PREP: variants seen among roughly 807,000 people sequenced by gnomAD.
PREP encodes the protein prolyl endopeptidase, also known as dJ355L5.1 (prolyl endopeptidase).
In PREP, 29 loss-of-function variants were observed where a neutral mutation model predicts 87.6. The ratio of observed to expected loss-of-function variants is 0.33; its 90% CI spans 0.25 to 0.45. The LOEUF (loss-of-function observed/expected upper bound fraction) is 0.45. Among genes scored for constraint, PREP ranks in the 20% least tolerant of loss-of-function variants. PREP has a pLI of 1.00. For missense variants in PREP, 695 were observed against 886.5 expected, an observed-to-expected ratio of 0.78 and a Z score of 2.74; for synonymous variants, 337 against 328.6, an observed-to-expected ratio of 1.03 and a Z score of -0.28.
At chr6:105,328,551 A>G (rs1188540044) in intron 9 of PREP, among the ~76,000 whole-genome samples, 1 of 152,110 alleles carries the variant, frequency 6.6e-6, no homozygotes, top group Non-Finnish European at 1.5e-5. Context: ...TGCCTGGCCC[A>G]TTGGTACTAA....
chr6:105,286,586 T>A (rs1770192269), intron 11 of PREP, among the ~76,000 whole-genome samples: 1 of 152,158 alleles, frequency 6.6e-6, no homozygotes, highest in African/African-American at 2.4e-5. Context: ...TGAGAACTAT[T>A]TCTGAGAACT....
At position 105,338,786 on chromosome 6, in the gene PREP, G is replaced by A. The variant is rs1401580118; in HGVS notation, c.824-5281C>T. ...GTCCCACGCCCACGGAGCCTTGCTC[G>A]CTGCTAGCACAGTAGTCTGAGATCG... On this transcript the variant is annotated intron_variant, in intron 7 of 14. Transcript: ENST00000652536. Among the ~76,000 whole-genome samples, 12 of 152,336 alleles carry A rather than the reference G, an allele frequency of 7.9e-5. No individual in the cohort carries two copies. In the East Asian group the frequency reaches 9.6e-4, roughly 12 times the overall value.
chr6:105,322,175 C>A (rs181029997), intron 10 of PREP: 1 of 490,906 alleles, frequency 2.0e-6, no homozygotes, highest in East Asian at 1.5e-4. Flanking sequence ...CATGAAAATA[C>A]CAGACAGGGG....
At chr6:105,331,362 G>C (rs977281065) in intron 8 of PREP, among the ~76,000 whole-genome samples, 1 of 152,178 alleles carries the variant, frequency 6.6e-6, no homozygotes, top group African/African-American at 2.4e-5. Flanking sequence ...ACATCTATAA[G>C]ATGGGATGTC....
At chr6:105,375,374 A>T (rs1307281513) in intron 4 of PREP, among the ~76,000 whole-genome samples, 1 of 152,246 alleles carries the variant, frequency 6.6e-6, no homozygotes, top group Non-Finnish European at 1.5e-5. Context: ...ATGCTGAGCC[A>T]ACGTCATCTA....
chr6:105,387,649 G>GAAAGAA (rs1336739682), intron 2 of PREP, among the ~76,000 whole-genome samples: 1 of 149,390 alleles, frequency 6.7e-6, no homozygotes, highest in Non-Finnish European at 1.5e-5. Flanking sequence ...AAAAGAAAAA[G>GAAAGAA]AAAGAAAAAG....
intron 10 of PREP, among the ~76,000 whole-genome samples, chr6:105,306,885 C>A (rs1286740506): frequency 2.0e-5 from 3 of 152,160 alleles, no homozygotes; most frequent in Non-Finnish European, 4.4e-5. Flanking sequence ...CCTTTCCAGG[C>A]TCACATGCTA....
rs552581052 is a variant in PREP at position 105,318,194 on chromosome 6, T to C, written c.1317+5471A>G. ...TTTTTAGCTAGTCACATTTTTTTTT[T>C]CTGGGAATAAAACTACATCTCAAAA... is the stretch of plus-strand genomic sequence containing the variant. On this transcript the variant is annotated intron_variant, in intron 10 of 14. Transcript: ENST00000652536. 1.2e-4 allele frequency among the ~76,000 whole-genome samples: 19 copies of C among 152,306 alleles called. 1 individual carries two copies. The highest frequency in any genetic ancestry group is 6.2e-4 in the South Asian group (3 of 4,818).
intron 6 of PREP, among the ~76,000 whole-genome samples, chr6:105,367,137 T>G (rs1230680885): frequency 6.6e-6 from 1 of 152,170 alleles, no homozygotes; most frequent in Non-Finnish European, 1.5e-5. Context: ...GTTATAATGG[T>G]CAATTTTATG....
At chr6:105,333,710 G>T (rs563898993) in intron 7 of PREP, among the ~76,000 whole-genome samples, 1 of 152,004 alleles carries the variant, frequency 6.6e-6, no homozygotes, top group South Asian at 2.1e-4. Flanking sequence ...CAGCAAGGAC[G>T]GGGGAATGAA....
chr6:105,282,958 G>A (rs1169761197), intron 12 of PREP, among the ~76,000 whole-genome samples: 1 of 152,244 alleles, frequency 6.6e-6, no homozygotes, highest in Admixed American at 6.5e-5. Flanking sequence ...AAGACCTGCA[G>A]CAGTGTTTAG....
At chr6:105,351,032 T>G (rs115071136) in intron 7 of PREP, among the ~76,000 whole-genome samples, 1,627 of 152,322 alleles carry the variant, frequency 0.011, 30 homozygotes, top group African/African-American at 0.038. Context: ...CACTGACAGA[T>G]CAGGTTAGTA....
chr6:105,381,234 T>C (rs550765097), intron 2 of PREP, among the ~76,000 whole-genome samples: 54 of 152,360 alleles, frequency 3.5e-4, no homozygotes, highest in South Asian at 1.4e-3. Flanking sequence ...AGTTTTTTCA[T>C]AACACACATC....
chr6:105,323,034 C>A (rs1771053528), intron 10 of PREP: 1 of 1,303,780 alleles, frequency 7.7e-7, no homozygotes. Flanking sequence ...CCTCTCATTG[C>A]AAAGGAACAG....
At chr6:105,353,877 G>A (rs1212632259) in intron 6 of PREP, among the ~76,000 whole-genome samples, 2 of 151,860 alleles carry the variant, frequency 1.3e-5, no homozygotes, top group Non-Finnish European at 2.9e-5. Flanking sequence ...AACTGCTTAT[G>A]CATATTTTTA....
At chr6:105,332,956 T>C (rs967316412) in intron 8 of PREP, among the ~76,000 whole-genome samples, 1 of 152,204 alleles carries the variant, frequency 6.6e-6, no homozygotes, top group African/African-American at 2.4e-5. Context: ...CTCAAAAGCT[T>C]AAAGCTAAGG....
In PREP at chr6:105,353,015, T is replaced by C. The variant is rs1391076871; in HGVS notation, c.780A>G (p.Arg260=). 1 of 1,613,904 alleles carries C rather than the reference T, an allele frequency of 6.2e-7. No individual in the cohort carries two copies. Among genetic ancestry groups the C allele is most frequent in the Admixed American group, 1.7e-5 (1 of 59,978 alleles). The change falls in exon 7 of 15, where the codon CGA becomes CGG. Residue 260 remains arginine (R), a synonymous_variant. Coordinates refer to ENST00000652536, the MANE Select transcript of PREP (RefSeq NM_002726.5). ...SIREGCDPVN[R]LWYCDLQQES... ...CCTGCTGTAGGTCACAGTACCAGAG[T>C]CGGTTTACTGGATCACATCCTTCCC...
Position 105,303,892 on chromosome 6 carries a change from A to G in PREP, c.1318-14998T>C, listed in dbSNP as rs139254189. On this transcript the variant is annotated intron_variant, in intron 10 of 14. Coordinates refer to ENST00000652536, the MANE Select transcript of PREP (RefSeq NM_002726.5). ...TTAGTTTCTATATTTTTCACAACAG[A>G]GTTTTCTTTAGTTCATACTTTGGTC... is the stretch of plus-strand genomic sequence containing the variant. 4.1e-3 allele frequency among the ~76,000 whole-genome samples: 623 copies of G among 152,326 alleles called. 6 individuals carry two copies. The highest frequency in any genetic ancestry group is 0.014 in the African/African-American group (575 of 41,580).
At chr6:105,400,616 TCTC>T (rs1773402873) in intron 1 of PREP, among the ~76,000 whole-genome samples, 1 of 152,204 alleles carries the variant, frequency 6.6e-6, no homozygotes, top group Non-Finnish European at 1.5e-5. Context: ...TCTTCTGTGT[TCTC>T]CTCTCACCCT....
Sources: gnomAD v4.1 joint callset for allele counts (sites outside exome capture counted in the v4.1 genomes callset) on GRCh38, gnomAD v4.1.1 for gene constraint, MANE v1.5 for transcripts, NCBI Gene and HGNC (gene_info 2026-07-23, HGNC 2026-07-21) for gene names.